The following UBE2J1 variants were observed in gnomAD, a reference collection of about 807,000 sequenced individuals.
UBE2J1 encodes the protein ubiquitin-conjugating enzyme E2 J1.
UBE2J1 carries 17 observed loss-of-function variants against 42.1 expected under a neutral mutation model. That is an observed-to-expected ratio of 0.40 (90% CI 0.28 to 0.61). UBE2J1 has a LOEUF of 0.61. UBE2J1 is among the 20% of genes least tolerant of loss of function. UBE2J1 has a pLI of 0.38. For missense variants in UBE2J1, 291 were observed against 389.4 expected, an observed-to-expected ratio of 0.75 and a Z score of 2.13; for synonymous variants, 127 against 137.2, an observed-to-expected ratio of 0.93 and a Z score of 0.52.
At chr6:89,334,876 A>G (rs1768080422) in intron 6 of UBE2J1, among the ~76,000 whole-genome samples, 1 of 152,222 alleles carries the variant, frequency 6.6e-6, no homozygotes, top group African/African-American at 2.4e-5. Context: ...TATTAATTCA[A>G]TCCTCACAGC....
At chr6:89,351,591 T>G (rs1338575578) in intron 1 of UBE2J1, among the ~76,000 whole-genome samples, 2 of 152,242 alleles carry the variant, frequency 1.3e-5, no homozygotes, top group Non-Finnish European at 2.9e-5. Flanking sequence ...GTCTTGCTAA[T>G]TCCTACTGAG....
chr6:89,330,083 A>T (rs1767980472), intron 7 of UBE2J1, 126 bp from the exon 8 acceptor site: 1 of 920,694 alleles, frequency 1.1e-6, no homozygotes, highest in African/African-American at 1.7e-5. Context: ...ACCAAGAATG[A>T]TTGTTACTAA....
Position 89,329,518 on chromosome 6 carries a change from G to A in UBE2J1, c.*161C>T. 1 of 742,902 alleles carries A rather than the reference G, an allele frequency of 1.3e-6. No individual in the cohort carries two copies. The highest frequency in any genetic ancestry group is 2.2e-6 in the Non-Finnish European group (1 of 463,442). 46.0% of individuals were successfully genotyped at this position (742,902 alleles called of 1,614,324 possible). ...AAGCAGGACGTAACTGCTAGACACA[G>A]TCTGAATGTCTAGATATATTTATAC... On this transcript the variant is annotated 3_prime_UTR_variant, in exon 8 of 8. Coordinates refer to ENST00000435041, the MANE Select transcript of UBE2J1 (RefSeq NM_016021.3).
chr6:89,344,338 C>T (rs1029281737), intron 1 of UBE2J1, among the ~76,000 whole-genome samples: 2 of 152,178 alleles, frequency 1.3e-5, no homozygotes, highest in Admixed American at 1.3e-4. Context: ...AATGGACTGT[C>T]CCCTGAATTC....
At chr6:89,335,960 T>C (rs769684028) in intron 5 of UBE2J1, among the ~76,000 whole-genome samples, 5 of 152,220 alleles carry the variant, frequency 3.3e-5, no homozygotes, top group Non-Finnish European at 5.9e-5. Flanking sequence ...TGATTATACA[T>C]TAGGTAGAGA....
chr6:89,352,261 A>C (rs987929390), intron 1 of UBE2J1, among the ~76,000 whole-genome samples: 5 of 152,092 alleles, frequency 3.3e-5, no homozygotes, highest in Admixed American at 2.0e-4. Context: ...CTCAGGGATG[A>C]GTTTCTGACC....
At chr6:89,337,280 A>T (rs1483403602) in intron 5 of UBE2J1, among the ~76,000 whole-genome samples, 1 of 151,486 alleles carries the variant, frequency 6.6e-6, no homozygotes, top group Non-Finnish European at 1.5e-5. Flanking sequence ...AGGCATCAAG[A>T]TAAAAAAACC....
At chr6:89,333,479 T>C (rs1169609203) in intron 6 of UBE2J1, among the ~76,000 whole-genome samples, 1 of 152,228 alleles carries the variant, frequency 6.6e-6, no homozygotes, top group African/African-American at 2.4e-5. Flanking sequence ...TAAAAAGCTC[T>C]CAAAACTCAA....
intron 7 of UBE2J1, among the ~76,000 whole-genome samples, chr6:89,331,254 C>T (rs767526262): frequency 6.6e-6 from 1 of 152,140 alleles, no homozygotes; most frequent in Non-Finnish European, 1.5e-5. Context: ...TATAATCATA[C>T]TCTGAGATAG....
At chr6:89,340,895 C>T (rs998866074) in intron 3 of UBE2J1, among the ~76,000 whole-genome samples, 2 of 151,460 alleles carry the variant, frequency 1.3e-5, no homozygotes, top group Non-Finnish European at 2.9e-5. Flanking sequence ...CCTGCCTCAG[C>T]CTCCCGAGTA....
At position 89,333,147 on chromosome 6, in the gene UBE2J1, G is replaced by T; in HGVS notation, c.617C>A (p.Ser206Ter). Residue 206 changes from serine (S) to a stop codon, truncating the protein, a stop_gained, in exon 7 of 8, where the codon TCA becomes TAA. Coordinates refer to ENST00000435041, the MANE Select transcript of UBE2J1 (RefSeq NM_016021.3). LOFTEE classifies it high-confidence loss of function. ...ISESDLNHSF[S>*]LTDLQDDIPT... ...TATATCATCTTGTAAATCAGTTAGT[G>T]AAAAAGAGTGGTTTAAGTCTGACTC... The T allele has an allele frequency of 6.2e-7, 1 of 1,613,290 alleles. No homozygotes were observed. The highest frequency in any genetic ancestry group is 1.1e-5 in the South Asian group (1 of 90,902).
Position 89,329,979 on chromosome 6 carries a change from T to C in UBE2J1, c.679-22A>G, listed in dbSNP as rs369519125. On this transcript the variant is annotated intron_variant, in intron 7 of 7. Coordinates refer to ENST00000435041, the MANE Select transcript of UBE2J1 (RefSeq NM_016021.3). ...CGTACTAGGAAATTTTAAGAAACTT[T>C]GTTTGAAACTGGCAAAGAAGATTTG... The C allele has an allele frequency of 7.5e-6, 12 of 1,610,318 alleles. No individual in the cohort carries two copies. The African/African-American group carries it at 1.5e-4, about 20-fold the overall frequency.
At chr6:89,337,815 GTGGATTACCTCT>G (rs1768139102) in intron 5 of UBE2J1, among the ~76,000 whole-genome samples, 1 of 152,192 alleles carries the variant, frequency 6.6e-6, no homozygotes, top group South Asian at 2.1e-4. Context: ...GATGGATAAA[GTGGATTACCTCT>G]TGGCCCTCAA....
At position 89,338,653 on chromosome 6, in the gene UBE2J1, G is replaced by GTTT. The variant is rs1486254673; in HGVS notation, c.238-113_238-111dup. The GTTT allele has an allele frequency of 1.9e-3, 232 of 120,668 alleles. 13 individuals are homozygous for GTTT. In the East Asian group the frequency reaches 0.024, roughly 12 times the overall value. The allele number at this position is 120,668 out of a possible 1,614,324, so 7.5% of individuals were successfully genotyped here. A position where few individuals can be genotyped will look rare whatever the true frequency, so the allele number is the denominator to read the frequency against. On this transcript the variant is annotated intron_variant, in intron 3 of 7. Transcript: ENST00000435041. The stretch of plus-strand genomic sequence containing the variant: ...ATAATTTTAGAGATTATCTTAAAAA[G>GTTT]TTTGTTTTTTTTTTTTTTTTTTTTT...
intron 3 of UBE2J1, among the ~76,000 whole-genome samples, chr6:89,338,792 A>T (rs1426885252): frequency 1.3e-5 from 2 of 150,516 alleles, no homozygotes. Context: ...CAGCCTCCCA[A>T]GTAGCTGGAA....
At chr6:89,331,065 T>C (rs1768001035) in intron 7 of UBE2J1, among the ~76,000 whole-genome samples, 1 of 152,244 alleles carries the variant, frequency 6.6e-6, no homozygotes, top group Non-Finnish European at 1.5e-5. Context: ...CCTGATGTTA[T>C]CTGAGGTATT....
intron 3 of UBE2J1, among the ~76,000 whole-genome samples, chr6:89,341,870 A>G (rs1768251842): frequency 6.6e-6 from 1 of 152,246 alleles, no homozygotes; most frequent in Non-Finnish European, 1.5e-5. Context: ...GAGCTATACA[A>G]TAAGATCTTG....
At chr6:89,343,315 A>C (rs1214981267) in intron 2 of UBE2J1, among the ~76,000 whole-genome samples, 1 of 151,848 alleles carries the variant, frequency 6.6e-6, no homozygotes, top group Non-Finnish European at 1.5e-5. Flanking sequence ...GGGGCCTGTA[A>C]TCCCAGCTAT....
chr6:89,339,845 C>CA (rs1281236845), intron 3 of UBE2J1, among the ~76,000 whole-genome samples: 2 of 151,036 alleles, frequency 1.3e-5, no homozygotes, highest in Admixed American at 1.3e-4. Context: ...CCTGTCTCTA[C>CA]AAAAAATAAA....
Sources: gnomAD v4.1 joint callset for allele counts (sites outside exome capture counted in the v4.1 genomes callset) on GRCh38, gnomAD v4.1.1 for gene constraint, MANE v1.5 for transcripts, NCBI Gene and HGNC (gene_info 2026-07-23, HGNC 2026-07-21) for gene names.